Variants in ABCB1 observed in about 807,000 individuals in gnomAD.
The protein encoded by ABCB1 is ATP-dependent translocase ABCB1.
ABCB1 carries 69 observed loss-of-function variants against 142.0 expected under a neutral mutation model. The observed-to-expected ratio is 0.49, with a 90% CI of 0.40 to 0.59. ABCB1 has a LOEUF of 0.59. ABCB1 is among the 20% of genes least tolerant of loss of function. The probability of loss-of-function intolerance (pLI) is 0.00; values close to 1 mark genes in which losing one functional copy is unlikely to be tolerated. For missense variants in ABCB1, 1,326 were observed against 1,554.7 expected, an observed-to-expected ratio of 0.85 and a Z score of 2.47; for synonymous variants, 532 against 539.2, an observed-to-expected ratio of 0.99 and a Z score of 0.18.
intron 8 of ABCB1, among the ~76,000 whole-genome samples, chr7:87,557,521 A>G (rs1817357951): frequency 6.6e-6 from 1 of 152,234 alleles, no homozygotes; most frequent in Non-Finnish European, 1.5e-5. Context: ...AGATACATTC[A>G]AGTAACTTAT....
intron 23 of ABCB1, among the ~76,000 whole-genome samples, chr7:87,517,754 C>A (rs564170015): frequency 1.3e-5 from 2 of 152,176 alleles, no homozygotes; most frequent in Non-Finnish European, 2.9e-5. Context: ...GATGCATTGA[C>A]GTTCTTATCT....
At chr7:87,668,294 C>G (rs763219041) in intron 1 of ABCB1, among the ~76,000 whole-genome samples, 8 of 152,000 alleles carry the variant, frequency 5.3e-5, no homozygotes, top group Non-Finnish European at 1.0e-4. Context: ...ATAGTAGTTT[C>G]TCTTGGTTGT....
At chr7:87,543,331 A>G (rs1816626208) in intron 17 of ABCB1, among the ~76,000 whole-genome samples, 1 of 152,224 alleles carries the variant, frequency 6.6e-6, no homozygotes, top group African/African-American at 2.4e-5. Flanking sequence ...TTTAATATTA[A>G]GCATGAATGT....
At chr7:87,585,844 C>A (rs1401146543) in intron 3 of ABCB1, among the ~76,000 whole-genome samples, 164 bp from the exon 4 acceptor site, 1 of 152,202 alleles carries the variant, frequency 6.6e-6, no homozygotes, top group Non-Finnish European at 1.5e-5. Context: ...TTGCAATAGT[C>A]TAATTAGAAA....
At chr7:87,694,022 G>T in intron 1 of ABCB1, 2 of 1,599,392 alleles carry the variant, frequency 1.3e-6, no homozygotes, top group South Asian at 2.3e-5. Context: ...TGACTTTCGG[G>T]GGAGGGCTGT....
chr7:87,605,021 G>C (rs913487028), upstream of ABCB1, among the ~76,000 whole-genome samples: 1 of 152,150 alleles, frequency 6.6e-6, no homozygotes, highest in African/African-American at 2.4e-5. Context: ...AAAATATTAG[G>C]TGCTGAGAGT....
At chr7:87,567,049 A>C in intron 5 of ABCB1, 73 bp from the exon 6 acceptor site, 1 of 1,442,108 alleles carries the variant, frequency 6.9e-7, no homozygotes, top group Non-Finnish European at 9.7e-7. Context: ...GAGACCACTC[A>C]TTCCTATTTT....
chr7:87,553,486 AATTTTTTGT>A (rs1817172414), intron 9 of ABCB1, among the ~76,000 whole-genome samples: 1 of 151,744 alleles, frequency 6.6e-6, no homozygotes, highest in African/African-American at 2.4e-5. Flanking sequence ...ACGCCCGGCT[AATTTTTTGT>A]ATTTTTTGTA....
At chr7:87,671,055 T>C (rs1443945930) in intron 1 of ABCB1, among the ~76,000 whole-genome samples, 1 of 152,168 alleles carries the variant, frequency 6.6e-6, no homozygotes. Context: ...TTTGCTTGTT[T>C]CCTGGGGGCT....
At chr7:87,629,256 A>AG (rs905307130) in intron 1 of ABCB1, 3 of 289,764 alleles carry the variant, frequency 1.0e-5, no homozygotes, top group African/African-American at 6.5e-5. Flanking sequence ...GCAAGGAAGA[A>AG]GAGCTCTTTC....
intron 1 of ABCB1, among the ~76,000 whole-genome samples, chr7:87,654,556 C>T (rs2130400024): frequency 6.6e-6 from 1 of 152,098 alleles, no homozygotes; most frequent in East Asian, 1.9e-4. Context: ...AGACCCTTCA[C>T]ACTACAGAAG....
intron 20 of ABCB1, among the ~76,000 whole-genome samples, chr7:87,533,026 G>C (rs191631755): frequency 6.6e-6 from 1 of 152,142 alleles, no homozygotes; most frequent in Admixed American, 6.5e-5. Flanking sequence ...AGCTGCACCA[G>C]GGCTGAAAGA....
intron 1 of ABCB1, among the ~76,000 whole-genome samples, chr7:87,635,897 G>T (rs911845724): frequency 6.6e-6 from 1 of 152,072 alleles, no homozygotes; most frequent in African/African-American, 2.4e-5. Flanking sequence ...TGTTTGTGAG[G>T]TTCATCCATT....
Position 87,504,232 on chromosome 7 carries a change from ACAGT to A in ABCB1, c.*7_*10del. 6.2e-7 allele frequency: 1 copy of A among 1,614,080 alleles called. No homozygotes were observed. Among genetic ancestry groups the A allele is most frequent in the Non-Finnish European group, 8.5e-7 (1 of 1,179,970 alleles). On this transcript the variant is annotated 3_prime_UTR_variant, in exon 28 of 28. Coordinates refer to ENST00000622132, the MANE Select transcript of ABCB1 (RefSeq NM_001348946.2). ...TATTAAAAAGTATTTAACATCTCATACAGTCAGAGTTCACTGGCGCTTTGTTCCA... is the reference window on the plus strand; with the variant it reads ...TATTAAAAAGTATTTAACATCTCATACAGAGTTCACTGGCGCTTTGTTCCA...
At chr7:87,676,703 C>CAAAA (rs57480483) in intron 1 of ABCB1, among the ~76,000 whole-genome samples, 4 of 45,432 alleles carry the variant, frequency 8.8e-5, no homozygotes, top group Non-Finnish European at 1.3e-4. Context: ...GACCCTGTCT[C>CAAAA]AAAAAAAAAA....
intron 26 of ABCB1, 50 bp downstream of exon 26, chr7:87,509,225 C>A: frequency 6.3e-7 from 1 of 1,590,990 alleles, no homozygotes; most frequent in South Asian, 1.1e-5. Context: ...AACTATAGGC[C>A]AGAGAGGCTG....
intron 1 of ABCB1, among the ~76,000 whole-genome samples, chr7:87,703,642 A>G (rs1585149131): frequency 6.6e-6 from 1 of 151,888 alleles, no homozygotes; most frequent in Admixed American, 6.6e-5. Context: ...AAATTTCTTC[A>G]TTTGTAAATT....
chr7:87,595,021 G>A (rs1254879282), intron 3 of ABCB1, among the ~76,000 whole-genome samples: 2 of 152,028 alleles, frequency 1.3e-5, no homozygotes, highest in African/African-American at 2.4e-5. Context: ...TAGAAAAAAG[G>A]AAGTAAGAAT....
chr7:87,705,819 A>G (rs1829533554), intron 1 of ABCB1, among the ~76,000 whole-genome samples: 2 of 152,144 alleles, frequency 1.3e-5, no homozygotes, highest in African/African-American at 4.8e-5. Context: ...ACCACTCCCA[A>G]TTGAATCTTT....
Sources: allele counts gnomAD v4.1 joint callset (sites outside exome capture counted in the v4.1 genomes callset), GRCh38; gene constraint gnomAD v4.1.1; transcripts MANE v1.5; gene names NCBI Gene and HGNC (gene_info 2026-07-23, HGNC 2026-07-21).